ZRANB3: variants seen among roughly 807,000 people sequenced by gnomAD.
ZRANB3 encodes the protein zinc finger RANBP2-type containing 3.
In ZRANB3, 125 loss-of-function variants were observed where a neutral mutation model predicts 133.8. That is an observed-to-expected ratio of 0.93 (90% CI 0.81 to 1.08). ZRANB3 has a LOEUF of 1.08. Ranked by LOEUF, ZRANB3 falls within the 50% of genes least tolerant of loss-of-function variation. The pLI is 0.00. For synonymous variants in ZRANB3, 387 were observed against 432.7 expected, an observed-to-expected ratio of 0.89 and a Z score of 1.31; for missense variants, 1,229 against 1,275.5, an observed-to-expected ratio of 0.96 and a Z score of 0.56.
intron 2 of ZRANB3, among the ~76,000 whole-genome samples, chr2:135,491,303 C>T (rs1453478087): frequency 6.6e-6 from 1 of 151,940 alleles, no homozygotes; most frequent in Non-Finnish European, 1.5e-5. Context: ...GAAACAAAGG[C>T]AAAGTTTAAA....
chr2:135,437,346 G>T (rs746638725), intron 2 of ZRANB3, among the ~76,000 whole-genome samples: 2 of 152,206 alleles, frequency 1.3e-5, no homozygotes, highest in African/African-American at 4.8e-5. Context: ...ATAATGCTCA[G>T]TGAAGAAAGC....
intron 2 of ZRANB3, among the ~76,000 whole-genome samples, chr2:135,400,878 C>T (rs987225145): frequency 3.3e-5 from 5 of 152,108 alleles, no homozygotes; most frequent in African/African-American, 4.8e-5. Context: ...GTTTGGCCTA[C>T]GGACAGTAAT....
chr2:135,208,874 AAAGGATCCCGT>A lies in ZRANB3; in HGVS notation c.2589_2599del (p.Arg864HisfsTer6), dbSNP rs1693986338. The A allele has an allele frequency of 1.9e-6, 3 of 1,613,868 alleles. No individual in the cohort carries two copies. In the East Asian group the frequency reaches 6.7e-5, roughly 36 times the overall value. ...AGTAGTAGAAAAACCTTACTTTGTG[AAAGGATCCCGT>A]GGCCTGGACTCCTTTGTGATCAGAC... On this transcript the variant is annotated frameshift_variant, in exon 18 of 21. Coordinates refer to ENST00000264159, the MANE Select transcript of ZRANB3 (RefSeq NM_032143.4). LOFTEE classifies it high-confidence loss of function.
intron 6 of ZRANB3, among the ~76,000 whole-genome samples, chr2:135,344,430 A>G (rs1684828748): frequency 6.6e-6 from 1 of 152,210 alleles, no homozygotes; most frequent in Admixed American, 6.5e-5. Flanking sequence ...AGTAGAATAG[A>G]TACAGCATTT....
At chr2:135,509,158 C>T (rs1693331313) in intron 1 of ZRANB3, among the ~76,000 whole-genome samples, 1 of 151,842 alleles carries the variant, frequency 6.6e-6, no homozygotes, top group Admixed American at 6.6e-5. Flanking sequence ...TACCATATGG[C>T]TATGATTTAA....
At chr2:135,407,760 G>A (rs1396707538) in intron 2 of ZRANB3, among the ~76,000 whole-genome samples, 1 of 149,988 alleles carries the variant, frequency 6.7e-6, no homozygotes, top group Non-Finnish European at 1.5e-5. Context: ...TGGGAAAACT[G>A]GCTAGCCATA....
At position 135,340,304 on chromosome 2, in the gene ZRANB3, C is replaced by A. The variant is rs185377057; in HGVS notation, c.677+5246G>T. ...TATTTTTATTAGAGATGGGGTTTCACCATGTTGGCCAAACTGGTCTCGAAC... is the reference window on the plus strand; with the variant it reads ...TATTTTTATTAGAGATGGGGTTTCAACATGTTGGCCAAACTGGTCTCGAAC... On this transcript the variant is annotated intron_variant, in intron 6 of 20. Transcript: ENST00000264159. Among the ~76,000 whole-genome samples the A allele has an allele frequency of 1.7e-4, 26 of 151,912 alleles. No homozygotes were observed. The East Asian group carries it at 3.9e-3, about 23-fold the overall frequency.
intron 2 of ZRANB3, among the ~76,000 whole-genome samples, chr2:135,455,816 G>C (rs186635445): frequency 2.0e-5 from 3 of 149,518 alleles, no homozygotes; most frequent in Non-Finnish European, 4.5e-5. Context: ...GGATGGTCTC[G>C]ATCTCCTGAC....
chr2:135,219,040 A>C (rs770766152), intron 16 of ZRANB3, 37 bp downstream of exon 16: 1 of 1,255,108 alleles, frequency 8.0e-7, no homozygotes, highest in Non-Finnish European at 1.1e-6. Flanking sequence ...AGTTTATTTA[A>C]AGTAAATAAA....
Position 135,261,114 on chromosome 2 carries a change from G to A in ZRANB3, c.1539+4420C>T, listed in dbSNP as rs954954974. Among the ~76,000 whole-genome samples, 13 of 151,606 alleles carry A rather than the reference G, an allele frequency of 8.6e-5. No individual in the cohort carries two copies. In the Middle Eastern group the frequency reaches 9.5e-3, roughly 111 times the overall value. ...AGAAGTTTTTGATGTCAAATGGCAA[G>A]TTTGGTTAATCTAGGAAAGTTTAAT... On this transcript the variant is annotated intron_variant, in intron 12 of 20. Transcript: ENST00000264159.
intron 2 of ZRANB3, among the ~76,000 whole-genome samples, chr2:135,484,321 A>C (rs1206694848): frequency 6.6e-6 from 1 of 152,234 alleles, no homozygotes; most frequent in Non-Finnish European, 1.5e-5. Flanking sequence ...GAAAATGTAC[A>C]ATGCTAAGCC....
intron 9 of ZRANB3, among the ~76,000 whole-genome samples, chr2:135,274,626 T>C (rs998460536): frequency 1.3e-5 from 2 of 152,080 alleles, no homozygotes; most frequent in African/African-American, 4.8e-5. Context: ...TATTTTTTAT[T>C]TATTTATTTT....
chr2:135,512,582 C>T (rs1374085493), intron 1 of ZRANB3, among the ~76,000 whole-genome samples: 1 of 151,128 alleles, frequency 6.6e-6, no homozygotes, highest in Non-Finnish European at 1.5e-5. Flanking sequence ...TTACATGTTG[C>T]TTTTAAAAGA....
intron 17 of ZRANB3, 91 bp downstream of exon 17, chr2:135,217,374 A>C (rs1234380162): frequency 8.1e-7 from 1 of 1,240,578 alleles, no homozygotes; most frequent in African/African-American, 1.5e-5. Context: ...TCAGGATTTC[A>C]TTAGTGGTTC....
At chr2:135,291,125 G>C (rs953418988) in intron 8 of ZRANB3, among the ~76,000 whole-genome samples, 1 of 151,944 alleles carries the variant, frequency 6.6e-6, no homozygotes, top group South Asian at 2.1e-4. Flanking sequence ...GCCTCCCAAA[G>C]TGCTGGGAAT....
intron 3 of ZRANB3, among the ~76,000 whole-genome samples, chr2:135,359,458 C>A (rs1685576030): frequency 6.6e-6 from 1 of 151,622 alleles, no homozygotes; most frequent in Non-Finnish European, 1.5e-5. Flanking sequence ...GTGGCATGTG[C>A]CTACAGTCCA....
At chr2:135,410,604 A>G (rs1298652947) in intron 2 of ZRANB3, among the ~76,000 whole-genome samples, 2 of 152,210 alleles carry the variant, frequency 1.3e-5, no homozygotes, top group African/African-American at 4.8e-5. Flanking sequence ...AGACCTCAAG[A>G]GTAAATGCAA....
intron 7 of ZRANB3, among the ~76,000 whole-genome samples, chr2:135,315,056 G>A (rs1036352530): frequency 2.6e-5 from 4 of 152,078 alleles, no homozygotes; most frequent in Non-Finnish European, 4.4e-5. Flanking sequence ...ATGAGCCACC[G>A]TGCCTGGCCG....
rs1321465854 is a variant in ZRANB3, at chr2:135,251,367, G to A, written c.1539+14167C>T. Among the ~76,000 whole-genome samples, 15 of 152,298 alleles carry A rather than the reference G, an allele frequency of 9.8e-5. No individual in the cohort carries two copies. The East Asian group carries it at 2.9e-3, about 29-fold the overall frequency. On this transcript the variant is annotated intron_variant, in intron 12 of 20. Coordinates refer to ENST00000264159, the MANE Select transcript of ZRANB3 (RefSeq NM_032143.4). The stretch of plus-strand genomic sequence containing the variant: ...TGGACTTCTGGGTTAATGCTGAAAT[G>A]AGTTAAGATGTTGGGGGACTTTTGG...
Sources: allele counts gnomAD v4.1 joint callset (sites outside exome capture counted in the v4.1 genomes callset), GRCh38; gene constraint gnomAD v4.1.1; transcripts MANE v1.5; gene names NCBI Gene and HGNC (gene_info 2026-07-23, HGNC 2026-07-21).